The following ADAMTS20 variants were observed in gnomAD, a reference collection of about 807,000 sequenced individuals.
The protein encoded by ADAMTS20 is ADAM metallopeptidase with thrombospondin type 1 motif 20, also known as A disintegrin and metalloproteinase with thrombospondin motifs 20.
Under a neutral mutation model 260.1 loss-of-function variants are expected in ADAMTS20, and 225 were observed. The observed-to-expected ratio is 0.87, with a 90% CI of 0.78 to 0.97. The LOEUF (loss-of-function observed/expected upper bound fraction) is 0.97. Among genes scored for constraint, ADAMTS20 ranks in the 50% least tolerant of loss-of-function variants. The probability of loss-of-function intolerance (pLI) is 0.00; values close to 1 mark genes in which losing one functional copy is unlikely to be tolerated. For missense variants in ADAMTS20, 2,400 were observed against 2,337.7 expected (o/e 1.03, Z -0.55); for synonymous variants, 802 against 769.5 (o/e 1.04, Z -0.70).
chr12:43,392,301 C>A (rs1940612252), intron 29 of ADAMTS20, among the ~76,000 whole-genome samples: 1 of 151,928 alleles, frequency 6.6e-6, no homozygotes, highest in African/African-American at 2.4e-5. Context: ...TGCCTCTAAG[C>A]CTGAAAAAGA....
At chr12:43,405,339 G>C (rs576841309) in intron 28 of ADAMTS20, among the ~76,000 whole-genome samples, 1 of 146,982 alleles carries the variant, frequency 6.8e-6, no homozygotes, top group African/African-American at 2.5e-5. Flanking sequence ...GACTCTTGGA[G>C]CCCAGGGGAC....
chr12:43,428,748 C>G lies in ADAMTS20; in HGVS notation c.3541G>C (p.Asp1181His), dbSNP rs749765634. The G allele has an allele frequency of 1.2e-6, 2 of 1,611,588 alleles. No homozygotes were observed. The highest frequency in any genetic ancestry group is 1.7e-6 in the Non-Finnish European group (2 of 1,178,370). ...TCATCTGCTATTCTATCAAGAGCAT[C>G]ACGACAGCTTACATAGCGGGCTTGA... ...GTQARYVSCR[D>H]ALDRIADESY... The change falls in exon 25 of 39, where the codon GAT (aspartate) becomes CAT (histidine). Residue 1181 changes from aspartate (D) to histidine (H), a missense_variant. Asp to His is a moderately conservative substitution (Grantham distance 81). Transcript: ENST00000389420.
chr12:43,424,808 T>C (rs952031102), intron 28 of ADAMTS20, among the ~76,000 whole-genome samples: 1 of 151,732 alleles, frequency 6.6e-6, no homozygotes, highest in Admixed American at 6.6e-5. Context: ...TGGTTCAAAG[T>C]TCACATATTA....
intron 3 of ADAMTS20, among the ~76,000 whole-genome samples, chr12:43,526,703 T>C (rs1446566523): frequency 1.3e-5 from 2 of 152,194 alleles, no homozygotes; most frequent in African/African-American, 4.8e-5. Context: ...AAGAGGAATG[T>C]TTATTGCACT....
intron 28 of ADAMTS20, among the ~76,000 whole-genome samples, chr12:43,406,732 A>C (rs1454462782): frequency 3.3e-5 from 5 of 152,206 alleles, no homozygotes; most frequent in African/African-American, 1.2e-4. Flanking sequence ...AAAATCTTAG[A>C]TATGAGTTTA....
chr12:43,492,773 C>G, intron 5 of ADAMTS20, 144 bp from the exon 6 acceptor site: 3 of 893,986 alleles, frequency 3.4e-6, no homozygotes, highest in Non-Finnish European at 5.0e-6. Flanking sequence ...CATATATTAA[C>G]TATAACGTAT....
Position 43,511,836 on chromosome 12 carries a change from A to G in ADAMTS20, c.614-9431T>C, listed in dbSNP as rs912596046. The stretch of plus-strand genomic sequence containing the variant: ...AATCCATTTTTTAAATGAGGACATA[A>G]AAGTGAAATAATACTTGTTCTAGAC... On this transcript the variant is annotated intron_variant, in intron 3 of 38. Transcript: ENST00000389420. Among the ~76,000 whole-genome samples the G allele has an allele frequency of 9.9e-5, 15 of 152,148 alleles. No homozygotes were observed. In the East Asian group the frequency reaches 2.7e-3, roughly 27 times the overall value.
Position 43,453,919 on chromosome 12 carries a change from C to A in ADAMTS20, c.1748G>T (p.Cys583Phe). The A allele has an allele frequency of 1.2e-6, 2 of 1,604,782 alleles. No homozygotes were observed. Among genetic ancestry groups the A allele is most frequent in the Non-Finnish European group, 1.7e-6 (2 of 1,174,918 alleles). The change falls in exon 12 of 39, where the codon TGT becomes TTT. Residue 583 changes from cysteine to phenylalanine, a missense_variant. Cys to Phe is a radical substitution (Grantham distance 205). Transcript: ENST00000389420. The part of the protein sequence containing the change: ...GGGIESATRR[C>F]NRPEPRNGGN... ...AAAAAAGACATACTCAGGACGATTA[C>A]AGCGCCTGGTTGCACTTTCGATTCC...
chr12:43,452,183 A>G, intron 14 of ADAMTS20, 91 bp downstream of exon 14: 2 of 1,332,060 alleles, frequency 1.5e-6, no homozygotes, highest in Non-Finnish European at 2.0e-6. Context: ...ATATGCTGAA[A>G]TAGTAAAAGT....
chr12:43,462,870 A>T, intron 11 of ADAMTS20, 25 bp downstream of exon 11: 1 of 1,558,356 alleles, frequency 6.4e-7, no homozygotes, highest in Non-Finnish European at 8.8e-7. Context: ...TCTTCATACA[A>T]GACTCACCCT....
rs187712147 is a variant in ADAMTS20 at position 43,502,671 on chromosome 12, G to C, written c.614-266C>G. On this transcript the variant is annotated intron_variant, in intron 3 of 38. Transcript: ENST00000389420. Reference sequence around the variant, plus strand: ...ATTTTATCTAAGTCATATTTGAAAAGGAAGGTATGACGATTCAAAAGCATT... The same window carrying C: ...ATTTTATCTAAGTCATATTTGAAAACGAAGGTATGACGATTCAAAAGCATT... 9.5e-3 allele frequency among the ~76,000 whole-genome samples: 1,445 copies of C among 152,118 alleles called. 27 individuals are homozygous for C. Among genetic ancestry groups the C allele is most frequent in the African/African-American group, 0.032 (1,340 of 41,528 alleles).
chr12:43,527,553 G>C (rs1943160355), intron 3 of ADAMTS20, among the ~76,000 whole-genome samples: 1 of 151,708 alleles, frequency 6.6e-6, no homozygotes, highest in Admixed American at 6.6e-5. Flanking sequence ...GTCAATAAAG[G>C]TAATATATCA....
intron 4 of ADAMTS20, among the ~76,000 whole-genome samples, chr12:43,501,412 T>TA (rs965809412): frequency 3.4e-4 from 51 of 151,292 alleles, no homozygotes; most frequent in African/African-American, 1.2e-3. Flanking sequence ...GTGATTACTC[T>TA]AAAATAACAG....
intron 36 of ADAMTS20, among the ~76,000 whole-genome samples, chr12:43,373,668 CT>C (rs1255147262): frequency 3.1e-5 from 4 of 128,058 alleles, no homozygotes; most frequent in Non-Finnish European, 6.4e-5. Flanking sequence ...GAAATATCAT[CT>C]CTTTTTTTTT....
chr12:43,424,121 G>C (rs955273496), intron 28 of ADAMTS20, among the ~76,000 whole-genome samples: 1 of 152,012 alleles, frequency 6.6e-6, no homozygotes, highest in East Asian at 1.9e-4. Context: ...TATAAAACTG[G>C]AGTTATAACT....
intron 28 of ADAMTS20, among the ~76,000 whole-genome samples, chr12:43,420,673 C>G (rs755239328): frequency 1.3e-5 from 2 of 151,910 alleles, no homozygotes; most frequent in Non-Finnish European, 2.9e-5. Flanking sequence ...GAGGCAGAGC[C>G]CAACACCCTT....
At position 43,492,568 on chromosome 12, in the gene ADAMTS20, T is replaced by C; in HGVS notation, c.1013A>G (p.Gln338Arg). 1.2e-6 allele frequency: 2 copies of C among 1,613,890 alleles called. No individual in the cohort carries two copies. Among genetic ancestry groups the C allele is most frequent in the Non-Finnish European group, 8.5e-7 (1 of 1,179,834 alleles). Residue 338 changes from glutamine to arginine, a missense_variant, in exon 6 of 39, where the codon CAA becomes CGA. Coordinates refer to ENST00000389420, the MANE Select transcript of ADAMTS20 (RefSeq NM_025003.5). The part of the protein sequence containing the change: ...TTLKNFCSWQ[Q>R]TQNDLDDVHP... ...AACATCATCAAGGTCATTCTGAGTT[T>C]GTTGCCATGAACAAAAGTTCTTTAA... is the stretch of plus-strand genomic sequence containing the variant.
rs924593842 is a variant in ADAMTS20 at position 43,396,541 on chromosome 12, G to A, written c.4452+2525C>T. Among the ~76,000 whole-genome samples the A allele has an allele frequency of 2.0e-5, 3 of 152,136 alleles. No individual in the cohort carries two copies. In the East Asian group the frequency reaches 5.8e-4, roughly 29 times the overall value. On this transcript the variant is annotated intron_variant, in intron 29 of 38. Transcript: ENST00000389420. Reference sequence around the variant, plus strand: ...AAATCAAAAGGCAATGACTTCACAAGTGGTCATTTGTTTCTGGCAGAGATT... The same window carrying A: ...AAATCAAAAGGCAATGACTTCACAAATGGTCATTTGTTTCTGGCAGAGATT...
intron 11 of ADAMTS20, among the ~76,000 whole-genome samples, chr12:43,462,221 T>G (rs918130514): frequency 1.3e-5 from 2 of 152,214 alleles, no homozygotes; most frequent in African/African-American, 4.8e-5. Flanking sequence ...GTGTTCCTTT[T>G]ACACTGAGGG....
Sources: gnomAD v4.1 joint callset for allele counts (sites outside exome capture counted in the v4.1 genomes callset) on GRCh38, gnomAD v4.1.1 for gene constraint, MANE v1.5 for transcripts, NCBI Gene and HGNC (gene_info 2026-07-23, HGNC 2026-07-21) for gene names.